The following PRAC2 variants were observed in gnomAD, a reference collection of about 807,000 sequenced individuals.
PRAC2 encodes the protein protein PRAC2.
For missense variants in PRAC2, 92 were observed against 114.5 expected, an observed-to-expected ratio of 0.80 and a Z score of 0.90; for synonymous variants, 43 against 49.5, an observed-to-expected ratio of 0.87 and a Z score of 0.55.
upstream of PRAC2, among the ~76,000 whole-genome samples, chr17:48,719,394 G>T (rs2038124406): frequency 6.6e-6 from 1 of 152,164 alleles, no homozygotes; most frequent in Admixed American, 6.5e-5. Flanking sequence ...CGCCCCATTT[G>T]CGAAGTTTAA....
chr17:48,724,622 G>T lies in PRAC2; in HGVS notation c.212G>T (p.Arg71Leu). Reference sequence around the variant, plus strand: ...CTCAGTACCCACGAGGCCCCAGGCCGCTGGAAGCCTGTAGCTCCGCGGACG... The same window carrying T: ...CTCAGTACCCACGAGGCCCCAGGCCTCTGGAAGCCTGTAGCTCCGCGGACG... ...TQLSTHEAPG[R>L]WKPVAPRTMK... is the part of the protein sequence containing the mutation. The change falls in exon 2 of 2, where the codon CGC (arginine) becomes CTC (leucine). Residue 71 changes from arginine (R) to leucine (L), a missense_variant. By Grantham distance (102) the Arg-to-Leu change is moderately radical (BLOSUM62 -2). Coordinates refer to ENST00000422730, the MANE Select transcript of PRAC2 (RefSeq NM_001282275.2). 1 of 1,232,196 alleles carries T rather than the reference G, an allele frequency of 8.1e-7. No individual in the cohort carries two copies. The allele number at this position is 1,232,196 out of a possible 1,614,324, so 76.3% of individuals were successfully genotyped here. A position where few individuals can be genotyped will look rare whatever the true frequency, so the allele number is the denominator to read the frequency against.
upstream of PRAC2, among the ~76,000 whole-genome samples, chr17:48,719,749 T>G (rs1189133739): frequency 1.3e-5 from 2 of 152,304 alleles, no homozygotes; most frequent in East Asian, 3.9e-4. Flanking sequence ...AACATTGGCC[T>G]GACTTGCCGG....
chr17:48,721,377 G>C (rs1879108), upstream of PRAC2, among the ~76,000 whole-genome samples: 57,590 of 152,064 alleles, frequency 0.38, 11,063 homozygotes, highest in Middle Eastern at 0.52. Context: ...ATAGGCTGGA[G>C]TGCAATGGCA....
At chr17:48,719,731 C>T, upstream of PRAC2, among the ~76,000 whole-genome samples, 1 of 152,290 alleles carries the variant, frequency 6.6e-6, no homozygotes, top group African/African-American at 2.4e-5. Flanking sequence ...CATGTCGATC[C>T]CGACCAAAAC....
chr17:48,722,182 C>T (rs2038152473), upstream of PRAC2: 1 of 773,066 alleles, frequency 1.3e-6, no homozygotes, highest in Non-Finnish European at 2.1e-6. Context: ...TGAAAGCCTG[C>T]TGCTCACCCT....
chr17:48,723,588 C>A, intron 1 of PRAC2: 2 of 693,858 alleles, frequency 2.9e-6, no homozygotes, highest in Non-Finnish European at 4.0e-6. Context: ...AGCTTCCGGC[C>A]CGGGAACTAC....
At chr17:48,721,595 G>T (rs2038145179), upstream of PRAC2, 1 of 408,760 alleles carries the variant, frequency 2.4e-6, no homozygotes, top group African/African-American at 2.1e-5. Context: ...AAAGTGCTGG[G>T]ATTACAGCCA....
chr17:48,721,525 A>G (rs999732081), upstream of PRAC2, among the ~76,000 whole-genome samples: 1 of 152,076 alleles, frequency 6.6e-6, no homozygotes, highest in Non-Finnish European at 1.5e-5. Context: ...AGTTTTCACT[A>G]TGTTGGCCAG....
At chr17:48,722,208 A>C, upstream of PRAC2, 1 of 941,074 alleles carries the variant, frequency 1.1e-6, no homozygotes, top group Middle Eastern at 2.4e-4. Context: ...TGTTTCCCAA[A>C]ACTTCTGAAG....
At chr17:48,719,808 C>T (rs568971901), upstream of PRAC2, among the ~76,000 whole-genome samples, 1 of 152,132 alleles carries the variant, frequency 6.6e-6, no homozygotes, top group African/African-American at 2.4e-5. Flanking sequence ...GGGTGTTCCC[C>T]GGAAGGCAAG....
upstream of PRAC2, among the ~76,000 whole-genome samples, chr17:48,719,239 ACACACG>A (rs1555557230): frequency 7.3e-6 from 1 of 136,714 alleles, no homozygotes; most frequent in East Asian, 2.0e-4. Flanking sequence ...ACACACACAC[ACACACG>A]CACACGCAGC....
chr17:48,724,740 A>G lies in PRAC2; in HGVS notation c.*57A>G. ...TTAATGGTCCTAACACACCAGTGGA[A>G]TAAATCTCTAAGATTCCACATCTTT... On this transcript the variant is annotated 3_prime_UTR_variant, in exon 2 of 2. Transcript: ENST00000422730. 4.4e-6 allele frequency: 4 copies of G among 913,120 alleles called. No individual in the cohort carries two copies. The highest frequency in any genetic ancestry group is 1.7e-5 in the African/African-American group (1 of 57,968). 56.6% of individuals were successfully genotyped at this position (913,120 alleles called of 1,614,324 possible).
chr17:48,723,861 G>A (rs188740858), intron 1 of PRAC2: 2 of 1,012,382 alleles, frequency 2.0e-6, no homozygotes, highest in Admixed American at 4.3e-5. Context: ...AATTATTTCG[G>A]GCCTGGAGCC....
At chr17:48,722,814 G>A (rs990449829), upstream of PRAC2, among the ~76,000 whole-genome samples, 2 of 152,244 alleles carry the variant, frequency 1.3e-5, no homozygotes, top group East Asian at 3.9e-4. Flanking sequence ...AAATGGGGGC[G>A]GGGGCGGTGG....
In PRAC2 at chr17:48,724,454, C is replaced by T; in HGVS notation, c.44C>T (p.Pro15Leu). 1 of 1,234,234 alleles carries T rather than the reference C, an allele frequency of 8.1e-7. No individual in the cohort carries two copies. The highest frequency in any genetic ancestry group is 1.0e-6 in the Non-Finnish European group (1 of 988,140). The allele number at this position is 1,234,234 out of a possible 1,614,324, so 76.5% of individuals were successfully genotyped here. Residue 15 changes from proline to leucine, a missense_variant, in exon 2 of 2, where the codon CCG becomes CTG. Pro to Leu is a moderately conservative substitution (Grantham distance 98). Transcript: ENST00000422730. ...RMALRPGSRR[P>L]TAFFFHSRWL... ...GCTCTGCGGCCTGGCTCCCGCAGAC[C>T]GACCGCCTTCTTCTTCCATTCGAGA... is the stretch of plus-strand genomic sequence containing the variant.
At chr17:48,719,924 G>A (rs1038502996), upstream of PRAC2, among the ~76,000 whole-genome samples, 1 of 152,178 alleles carries the variant, frequency 6.6e-6, no homozygotes, top group Non-Finnish European at 1.5e-5. Flanking sequence ...GTCTCGGCCT[G>A]GCTCCGGAGG....
chr17:48,721,767 C>T (rs1187122812), upstream of PRAC2: 5 of 1,472,458 alleles, frequency 3.4e-6, no homozygotes, highest in Middle Eastern at 4.6e-4. Flanking sequence ...CAGCGTCTTG[C>T]TACATTGCCC....
upstream of PRAC2, chr17:48,721,939 TAAC>T (rs1183467561): frequency 1.8e-5 from 26 of 1,474,668 alleles, no homozygotes; most frequent in Admixed American, 5.5e-4. Flanking sequence ...TAAATAATAA[TAAC>T]GTTATCAATA....
chr17:48,724,734 A>C lies in PRAC2; in HGVS notation c.*51A>C, dbSNP rs2038188025. On this transcript the variant is annotated 3_prime_UTR_variant, in exon 2 of 2. Coordinates refer to ENST00000422730, the MANE Select transcript of PRAC2 (RefSeq NM_001282275.2). ...GTCTTTTTAATGGTCCTAACACACC[A>C]GTGGAATAAATCTCTAAGATTCCAC... 1.0e-6 allele frequency: 1 copy of C among 956,374 alleles called. No homozygotes were observed. Among genetic ancestry groups the C allele is most frequent in the African/African-American group, 1.7e-5 (1 of 58,652 alleles). The allele number at this position is 956,374 out of a possible 1,614,324, so 59.2% of individuals were successfully genotyped here.
Sources: allele counts gnomAD v4.1 joint callset (sites outside exome capture counted in the v4.1 genomes callset), GRCh38; gene constraint gnomAD v4.1.1; transcripts MANE v1.5; gene names NCBI Gene and HGNC (gene_info 2026-07-23, HGNC 2026-07-21).